Variants in TRARG1 observed in about 807,000 individuals in gnomAD.
TRARG1 encodes the protein trafficking regulator of GLUT4 (SLC2A4) 1 (gene/pseudogene).
A neutral mutation model predicts 13.3 loss-of-function variants in TRARG1; 16 were observed. That is an observed-to-expected ratio of 1.20 (90% confidence interval 0.81 to 1.83). TRARG1 has a LOEUF of 1.83. Among genes scored for constraint, TRARG1 ranks in the 40% most tolerant of loss-of-function variants. The probability of loss-of-function intolerance (pLI) is 0.00; values close to 1 mark genes in which losing one functional copy is unlikely to be tolerated. For missense variants in TRARG1, 250 were observed against 237.4 expected, an observed-to-expected ratio of 1.05 and a Z score of -0.35; for synonymous variants, 113 against 106.2, an observed-to-expected ratio of 1.06 and a Z score of -0.39.
chr17:1,284,805 T>C (rs2072009034), intron 1 of TRARG1, among the ~76,000 whole-genome samples: 1 of 151,978 alleles, frequency 6.6e-6, no homozygotes, highest in Non-Finnish European at 1.5e-5. Context: ...CTCAGCCTCC[T>C]GAGTAGCTGG....
chr17:1,292,997 G>A (rs1248225314), intron 1 of TRARG1, among the ~76,000 whole-genome samples: 2 of 152,114 alleles, frequency 1.3e-5, no homozygotes, highest in Admixed American at 6.5e-5. Flanking sequence ...AGATCTTTGA[G>A]AGGAAAGAGG....
chr17:1,297,499 A>G (rs2072120525), intron 2 of TRARG1, among the ~76,000 whole-genome samples: 1 of 151,852 alleles, frequency 6.6e-6, no homozygotes, highest in East Asian at 1.9e-4. Context: ...GGTACATGCA[A>G]GGCAGGAGCC....
intron 1 of TRARG1, among the ~76,000 whole-genome samples, chr17:1,292,476 C>T (rs1163497533): frequency 6.6e-6 from 1 of 152,220 alleles, no homozygotes; most frequent in African/African-American, 2.4e-5. Context: ...CGAGCCCTGC[C>T]TGGCCTAGCC....
In TRARG1 at chr17:1,282,253, T is replaced by TACGTATATGCACGTATATGC. The variant is rs1555630840; in HGVS notation, c.387+1874_387+1875insCACGTATATGCACGTATATG. On this transcript the variant is annotated intron_variant, in intron 1 of 2. Coordinates refer to ENST00000333813, the MANE Select transcript of TRARG1 (RefSeq NM_172367.3). ...ATATGTACGTATATGCACGTATATGTACGTATATGTACATATATGCACGTA... is the reference window on the plus strand; with the variant it reads ...ATATGTACGTATATGCACGTATATGTACGTATATGCACGTATATGCACGTATATGTACATATATGCACGTA... 9.7e-4 allele frequency among the ~76,000 whole-genome samples: 102 copies of TACGTATATGCACGTATATGC among 105,506 alleles called. 6 individuals are homozygous for TACGTATATGCACGTATATGC. The highest frequency in any genetic ancestry group is 4.9e-4 in the Non-Finnish European group (23 of 47,368). 69.2% of individuals were successfully genotyped at this position (105,506 alleles called of 152,430 possible).
intron 1 of TRARG1, 34 bp from the exon 2 acceptor site, chr17:1,295,457 C>T (rs746801151): frequency 1.2e-5 from 19 of 1,558,332 alleles, no homozygotes; most frequent in Admixed American, 7.4e-5. Context: ...ACAGCCTTCC[C>T]GGTTCCCGGG....
At chr17:1,290,076 A>G (rs918593783) in intron 1 of TRARG1, among the ~76,000 whole-genome samples, 1 of 152,142 alleles carries the variant, frequency 6.6e-6, no homozygotes, top group African/African-American at 2.4e-5. Flanking sequence ...AAACCCATGG[A>G]TTCTATCTTC....
At chr17:1,294,504 G>C (rs1469691229) in intron 1 of TRARG1, among the ~76,000 whole-genome samples, 2 of 128,284 alleles carry the variant, frequency 1.6e-5, no homozygotes, top group Non-Finnish European at 3.1e-5. Context: ...GTCTCACTGT[G>C]TCACCAGGCT....
In TRARG1 at chr17:1,280,227, C is replaced by T. The variant is rs749271661; in HGVS notation, c.226C>T (p.Arg76Trp). ...GGGGCACCTGGAGGCCCCACTGCCT[C>T]GGTCCCCCTCCCGGGCCAGCTCAAG... The part of the protein sequence containing the change: ...SEGHLEAPLP[R>W]SPSRASSRRA... The change falls in exon 1 of 3, where the codon CGG becomes TGG. Residue 76 changes from arginine to tryptophan, a missense_variant. Transcript: ENST00000333813. The T allele has an allele frequency of 2.5e-6, 4 of 1,614,094 alleles. No homozygotes were observed. Among genetic ancestry groups the T allele is most frequent in the Non-Finnish European group, 3.4e-6 (4 of 1,179,996 alleles).
intron 1 of TRARG1, among the ~76,000 whole-genome samples, chr17:1,285,534 A>T (rs1400767632): frequency 6.6e-6 from 1 of 151,530 alleles, no homozygotes; most frequent in African/African-American, 2.4e-5. Context: ...GTGAAACCTC[A>T]TCTCTACTAA....
intron 1 of TRARG1, among the ~76,000 whole-genome samples, chr17:1,284,673 T>TTTTATTTATTTA (rs58667901): frequency 5.1e-4 from 76 of 150,076 alleles, no homozygotes; most frequent in African/African-American, 1.8e-3. Flanking sequence ...AATGTGCCTC[T>TTTTATTTATTTA]TTTATTTATT....
Position 1,280,274 on chromosome 17 carries a change from C to T in TRARG1, c.273C>T (p.Thr91=), listed in dbSNP as rs770746519. The T allele has an allele frequency of 1.2e-6, 2 of 1,614,102 alleles. No homozygotes were observed. Among genetic ancestry groups the T allele is most frequent in the Non-Finnish European group, 1.7e-6 (2 of 1,179,998 alleles). ...CAAGGAGGGCGTCCTCCATCGCCAC[C>T]ACCTCCTATGCCCAAGACCAAGAAG... is the stretch of plus-strand genomic sequence containing the variant. ...ASSRRASSIA[T]TSYAQDQEAP... The change falls in exon 1 of 3, where the codon ACC becomes ACT. Residue 91 remains threonine (T), a synonymous_variant. Coordinates refer to ENST00000333813, the MANE Select transcript of TRARG1 (RefSeq NM_172367.3).
At chr17:1,282,201 T>TGC (rs1164945837) in intron 1 of TRARG1, among the ~76,000 whole-genome samples, 17 of 140,176 alleles carry the variant, frequency 1.2e-4, no homozygotes, top group African/African-American at 4.7e-4. Context: ...CGTGTACACG[T>TGC]GCGTATATGT....
intron 1 of TRARG1, among the ~76,000 whole-genome samples, chr17:1,290,091 C>A (rs1471257299): frequency 6.6e-6 from 1 of 152,252 alleles, no homozygotes; most frequent in Non-Finnish European, 1.5e-5. Context: ...ATCTTCAGAA[C>A]TTCTCAAACC....
chr17:1,287,178 G>A (rs891054176), intron 1 of TRARG1, among the ~76,000 whole-genome samples: 10 of 151,920 alleles, frequency 6.6e-5, no homozygotes, highest in African/African-American at 2.2e-4. Flanking sequence ...TCAGGTCAGG[G>A]GATGGCAAAG....
intron 1 of TRARG1, among the ~76,000 whole-genome samples, chr17:1,293,676 G>A (rs35236735): frequency 0.46 from 65,754 of 144,424 alleles, 15,460 homozygotes; most frequent in African/African-American, 0.58. Context: ...ATGATGTCAT[G>A]AGTTGAGTTT....
intron 1 of TRARG1, among the ~76,000 whole-genome samples, chr17:1,292,518 C>T (rs2072076358): frequency 6.6e-6 from 1 of 152,210 alleles, no homozygotes; most frequent in South Asian, 2.1e-4. Context: ...CATCCTCCCT[C>T]CATCAGCCCC....
intron 1 of TRARG1, among the ~76,000 whole-genome samples, chr17:1,293,346 C>G (rs1055483757): frequency 1.3e-5 from 2 of 150,742 alleles, no homozygotes; most frequent in Admixed American, 1.3e-4. Context: ...GGCAGAGGAG[C>G]CGTCACGGAG....
intron 1 of TRARG1, among the ~76,000 whole-genome samples, chr17:1,293,096 G>A (rs1159287104): frequency 6.6e-6 from 1 of 152,014 alleles, no homozygotes; most frequent in African/African-American, 2.4e-5. Flanking sequence ...GACCAGCCTG[G>A]CCAACATGGT....
At chr17:1,289,660 C>A (rs1330324263) in intron 1 of TRARG1, among the ~76,000 whole-genome samples, 28 of 151,332 alleles carry the variant, frequency 1.9e-4, no homozygotes, top group Admixed American at 1.8e-3. Flanking sequence ...TTCTCCCCAG[C>A]ACCCCTTTAT....
Sources: gnomAD v4.1 joint callset for allele counts (sites outside exome capture counted in the v4.1 genomes callset) on GRCh38, gnomAD v4.1.1 for gene constraint, MANE v1.5 for transcripts, NCBI Gene and HGNC (gene_info 2026-07-23, HGNC 2026-07-21) for gene names.